APBB1: variants seen among roughly 807,000 people sequenced by gnomAD.
APBB1 encodes the protein amyloid beta precursor protein binding family B member 1, also known as adaptor protein FE65a2.
In APBB1, 22 loss-of-function variants were observed where a neutral mutation model predicts 78.4. The observed-to-expected ratio is 0.28, with a 90% CI of 0.20 to 0.40. The LOEUF (loss-of-function observed/expected upper bound fraction) is 0.40, where lower values mean the gene tolerates loss of function less well. APBB1 is among the 10% of genes least tolerant of loss of function. The probability of loss-of-function intolerance (pLI) is 1.00; values close to 1 mark genes in which losing one functional copy is unlikely to be tolerated. For synonymous variants in APBB1, 369 were observed against 372.7 expected (o/e 0.99, Z 0.12); for missense variants, 749 against 932.4 (o/e 0.80, Z 2.56).
intron 2 of APBB1, among the ~76,000 whole-genome samples, chr11:6,407,504 T>C (rs1408359108): frequency 1.3e-5 from 2 of 152,238 alleles, no homozygotes; most frequent in South Asian, 2.1e-4. Context: ...AAGCCTCAGA[T>C]AGATTGTGTG....
At chr11:6,413,866 G>A (rs1234187420) in intron 1 of APBB1, among the ~76,000 whole-genome samples, 2 of 152,146 alleles carry the variant, frequency 1.3e-5, no homozygotes, top group East Asian at 3.9e-4. Context: ...GCACGTGTCT[G>A]CCTCACGTGG....
chr11:6,404,082 A>G, intron 2 of APBB1: 1 of 426,880 alleles, frequency 2.3e-6, no homozygotes, highest in Non-Finnish European at 4.1e-6. Context: ...GAAGGCAGGG[A>G]GGGAAGAAGG....
chr11:6,401,804 C>T lies in APBB1; in HGVS notation c.1389-116G>A. On this transcript the variant is annotated intron_variant, in intron 9 of 14. Coordinates refer to ENST00000609360, the MANE Select transcript of APBB1 (RefSeq NM_001164.5). This position sits in a 1 kb window ranked among gnomAD's most constrained non-coding sequence, Gnocchi z 4.5. ...GCTCCTCCAGGGCTTCTGCCCACAG[C>T]TGGTCCCCCATAGGTGCTGCCTTCT... is the stretch of plus-strand genomic sequence containing the variant. The T allele has an allele frequency of 6.9e-7, 1 of 1,449,534 alleles. No homozygotes were observed. 89.8% of individuals were successfully genotyped at this position (1,449,534 alleles called of 1,614,324 possible).
chr11:6,397,823 G>C (rs1848311170), intron 12 of APBB1, among the ~76,000 whole-genome samples: 1 of 152,218 alleles, frequency 6.6e-6, no homozygotes, highest in South Asian at 2.1e-4. Flanking sequence ...AGAAATTCCA[G>C]ATGCATGAGC....
chr11:6,414,836 C>A (rs967111785), intron 1 of APBB1, among the ~76,000 whole-genome samples: 1 of 152,140 alleles, frequency 6.6e-6, no homozygotes, highest in Non-Finnish European at 1.5e-5. Context: ...GATGGCAAAC[C>A]CTTCTCTGAA....
chr11:6,402,578 C>T lies in APBB1; in HGVS notation c.1252G>A (p.Glu418Lys). The T allele has an allele frequency of 1.9e-6, 3 of 1,612,802 alleles. No homozygotes were observed. The highest frequency in any genetic ancestry group is 1.7e-6 in the Non-Finnish European group (2 of 1,178,950). ...CTACCCCCGGCTCAGGTCCTTACTT[C>T]CCCCCAGCCCCCAGACATGGGGTCA... is the stretch of plus-strand genomic sequence containing the variant. ...LHDPMSGGWG[E>K]GKDLLLQLED... Residue 418 changes from glutamate to lysine, a missense_variant and splice_region_variant, in exon 7 of 15, where the codon GAA becomes AAA. Physicochemically the swap from Glu to Lys is moderately conservative, Grantham distance 56. Around this residue, in one of 3 missense-constraint regions of APBB1, gnomAD observed 635 missense variants for 765.0 expected, o/e 0.83. Coordinates refer to ENST00000609360, the MANE Select transcript of APBB1 (RefSeq NM_001164.5).
In APBB1 at chr11:6,417,698, G is replaced by A. The variant is rs747586678; in HGVS notation, c.-15+1287C>T. 1.4e-4 allele frequency among the ~76,000 whole-genome samples: 22 copies of A among 152,234 alleles called. 1 individual carries two copies. The highest frequency in any genetic ancestry group is 2.0e-4 in the Admixed American group (3 of 15,280). On this transcript the variant is annotated intron_variant, in intron 1 of 14. Coordinates refer to ENST00000609360, the MANE Select transcript of APBB1 (RefSeq NM_001164.5). ...ACTTTGGTGGCAGTGAGGAAAGAGC[G>A]AAATGAATGGATTTGAGAAATATTT...
At position 6,396,196 on chromosome 11, in the gene APBB1, C is replaced by T; in HGVS notation, c.1692G>A (p.Gly564=). ...TGGAGGACAGGACTGACTCGAGGGC[C>T]CCATTAATCACATCTACCCCTAGAA... is the stretch of plus-strand genomic sequence containing the variant. ...AKPVGVDVIN[G]ALESVLSSSS... Residue 564 remains glycine, a synonymous_variant, in exon 13 of 15, where the codon GGG becomes GGA. Coordinates refer to ENST00000609360, the MANE Select transcript of APBB1 (RefSeq NM_001164.5). 4 of 1,551,042 alleles carry T rather than the reference C, an allele frequency of 2.6e-6. No homozygotes were observed. The highest frequency in any genetic ancestry group is 1.2e-5 in the South Asian group (1 of 83,960).
chr11:6,417,888 T>G (rs1849162141), intron 1 of APBB1, among the ~76,000 whole-genome samples: 1 of 152,232 alleles, frequency 6.6e-6, no homozygotes, highest in African/African-American at 2.4e-5. Flanking sequence ...GAAGATAATT[T>G]AGCTTGGAAT....
chr11:6,411,438 TGCCC>T lies in APBB1; in HGVS notation c.-14-81_-14-78del. 1 of 1,286,738 alleles carries T rather than the reference TGCCC, an allele frequency of 7.8e-7. No homozygotes were observed. The highest frequency in any genetic ancestry group is 2.3e-5 in the East Asian group (1 of 42,602). 79.7% of individuals were successfully genotyped at this position (1,286,738 alleles called of 1,614,324 possible). ...CATCACTGCTTCTGCCCCAGGGCTATGCCCTGTGCCTCCTCATCTCCCTGCACTA... is the reference window on the plus strand; with the variant it reads ...CATCACTGCTTCTGCCCCAGGGCTATTGTGCCTCCTCATCTCCCTGCACTA... On this transcript the variant is annotated intron_variant, in intron 1 of 14. Transcript: ENST00000609360. This position sits in a 1 kb window ranked among gnomAD's most constrained non-coding sequence, Gnocchi z 5.2.
Position 6,407,868 on chromosome 11 carries a change from T to C in APBB1, c.721+2759A>G, listed in dbSNP as rs891638741. Among the ~76,000 whole-genome samples, 13 of 150,984 alleles carry C rather than the reference T, an allele frequency of 8.6e-5. 1 individual carries two copies. The highest frequency in any genetic ancestry group is 5.9e-4 in the Admixed American group (9 of 15,164). ...AATCTCGGCTCACTGCAAGCTCCGC[T>C]TCCCGGGTTCACGCCATTCTCCTGC... On this transcript the variant is annotated intron_variant, in intron 2 of 14. Coordinates refer to ENST00000609360, the MANE Select transcript of APBB1 (RefSeq NM_001164.5).
Position 6,404,744 on chromosome 11 carries a change from C to T in APBB1, c.722-922G>A. The T allele has an allele frequency of 3.3e-6, 5 of 1,536,398 alleles. No individual in the cohort carries two copies. In the Middle Eastern group the frequency reaches 6.7e-4, roughly 205 times the overall value. On this transcript the variant is annotated intron_variant, in intron 2 of 14. Transcript: ENST00000609360. Reference sequence around the variant, plus strand: ...AGGCCCAACCTCATGCTGCCCCTCACCTGCGCTGCTGTCCTGCAGGATAAT... The same window carrying T: ...AGGCCCAACCTCATGCTGCCCCTCATCTGCGCTGCTGTCCTGCAGGATAAT...
upstream of APBB1, chr11:6,419,387 G>A (rs541985611): frequency 5.5e-6 from 1 of 182,536 alleles, no homozygotes; most frequent in East Asian, 1.4e-4. Flanking sequence ...CCCACGCCGG[G>A]AGACGCGCGG....
At position 6,410,760 on chromosome 11, in the gene APBB1, T is replaced by C. The variant is rs1453899634; in HGVS notation, c.588A>G (p.Thr196=). 6.3e-7 allele frequency: 1 copy of C among 1,589,776 alleles called. No homozygotes were observed. Among genetic ancestry groups the C allele is most frequent in the South Asian group, 1.1e-5 (1 of 87,246 alleles). The change falls in exon 2 of 15, where the codon ACA becomes ACG. Residue 196 remains threonine (T), a synonymous_variant. Transcript: ENST00000609360. The part of the protein sequence containing the change: ...VEAPPRPQAL[T]DGPREHSKSA... ...TCTTGCTGTGTTCCCGGGGGCCATC[T>C]GTAAGGGCTTGGGGCCTGGGAGGGG...
Position 6,395,418 on chromosome 11 carries a change from AG to A in APBB1, c.*115del. 1.8e-6 allele frequency: 2 copies of A among 1,135,210 alleles called. No homozygotes were observed. Among genetic ancestry groups the A allele is most frequent in the Non-Finnish European group, 2.4e-6 (2 of 837,236 alleles). The allele number at this position is 1,135,210 out of a possible 1,614,324, so 70.3% of individuals were successfully genotyped here. A position where few individuals can be genotyped will look rare whatever the true frequency, so the allele number is the denominator to read the frequency against. On this transcript the variant is annotated 3_prime_UTR_variant, in exon 15 of 15. Coordinates refer to ENST00000609360, the MANE Select transcript of APBB1 (RefSeq NM_001164.5). This position sits in a 1 kb window ranked among gnomAD's most constrained non-coding sequence, Gnocchi z 5.2. Reference sequence around the variant, plus strand: ...AGGCAGGGAACCGTAGCTACTGGGGAGGGGCATATTTGGGAGGCCTGAGGCC... The same window carrying A: ...AGGCAGGGAACCGTAGCTACTGGGGAGGGCATATTTGGGAGGCCTGAGGCC...
In APBB1 at chr11:6,395,405, G is replaced by A. The variant is rs1490715499; in HGVS notation, c.*129C>T. On this transcript the variant is annotated 3_prime_UTR_variant, in exon 15 of 15. Coordinates refer to ENST00000609360, the MANE Select transcript of APBB1 (RefSeq NM_001164.5). The surrounding 1 kb of genome is among the most constrained non-coding windows in gnomAD (Gnocchi z 5.2). ...CTCCCCAGCTCCTAGGCAGGGAACC[G>A]TAGCTACTGGGGAGGGGCATATTTG... is the stretch of plus-strand genomic sequence containing the variant. 1.2e-5 allele frequency: 12 copies of A among 1,006,118 alleles called. No individual in the cohort carries two copies. The highest frequency in any genetic ancestry group is 2.4e-5 in the South Asian group (1 of 41,908). The allele number at this position is 1,006,118 out of a possible 1,614,324, so 62.3% of individuals were successfully genotyped here. A position where few individuals can be genotyped will look rare whatever the true frequency, so the allele number is the denominator to read the frequency against.
intron 12 of APBB1, among the ~76,000 whole-genome samples, chr11:6,397,493 G>A (rs1156978488): frequency 6.6e-6 from 1 of 152,226 alleles, no homozygotes; most frequent in Non-Finnish European, 1.5e-5. Context: ...TAAAGCAGAT[G>A]GGGAATACAA....
Position 6,401,163 on chromosome 11 carries a change from C to T in APBB1, c.1589-91G>A, listed in dbSNP as rs1271221359. On this transcript the variant is annotated intron_variant, in intron 11 of 14. Transcript: ENST00000609360. The surrounding 1 kb of genome is among the most constrained non-coding windows in gnomAD (Gnocchi z 4.5). ...GGCATAAGCTGGACACTTGCCCAGC[C>T]GAGGCCCTACTTTCATCTCGTCCCC... is the stretch of plus-strand genomic sequence containing the variant. 17 of 1,613,224 alleles carry T rather than the reference C, an allele frequency of 1.1e-5. No homozygotes were observed. The Admixed American group carries it at 1.2e-4, about 11-fold the overall frequency.
At position 6,403,042 on chromosome 11, in the gene APBB1, G is replaced by T; in HGVS notation, c.1104+103C>A. 8.7e-7 allele frequency: 1 copy of T among 1,148,356 alleles called. No homozygotes were observed. Among genetic ancestry groups the T allele is most frequent in the Non-Finnish European group, 1.3e-6 (1 of 799,614 alleles). 71.1% of individuals were successfully genotyped at this position (1,148,356 alleles called of 1,614,324 possible). On this transcript the variant is annotated intron_variant, in intron 6 of 14. Transcript: ENST00000609360. This position sits in a 1 kb window ranked among gnomAD's most constrained non-coding sequence, Gnocchi z 5.3. ...TGAGACTGGAAGAACTCCTAACTCA[G>T]GACCTGGGGAACTGCGCTGAGACCC... is the stretch of plus-strand genomic sequence containing the variant.
Sources: allele counts gnomAD v4.1 joint callset (sites outside exome capture counted in the v4.1 genomes callset), GRCh38; gene constraint gnomAD v4.1.1; regional missense constraint gnomAD v4.1.1; non-coding constraint Gnocchi (gnomAD v3.1); transcripts MANE v1.5; gene names NCBI Gene and HGNC (gene_info 2026-07-23, HGNC 2026-07-21).